Variants in NTSR1 observed in about 807,000 individuals in gnomAD.
The protein encoded by NTSR1 is neurotensin receptor type 1.
In NTSR1, 29 loss-of-function variants were observed where a neutral mutation model predicts 31.2. That is an observed-to-expected ratio of 0.93 (90% CI 0.69 to 1.27). The LOEUF (loss-of-function observed/expected upper bound fraction) is 1.27. Among genes scored for constraint, NTSR1 ranks in the 50% most tolerant of loss-of-function variants. The pLI is 0.00. For missense variants in NTSR1, 697 were observed against 595.4 expected (o/e 1.17, Z -1.78); for synonymous variants, 282 against 269.9 (o/e 1.04, Z -0.44).
At chr20:62,729,857 A>T (rs1988974361) in intron 1 of NTSR1, among the ~76,000 whole-genome samples, 1 of 152,082 alleles carries the variant, frequency 6.6e-6, no homozygotes, top group Non-Finnish European at 1.5e-5. Flanking sequence ...TCCTGACCTC[A>T]AGTGATCTGC....
At chr20:62,722,115 G>A (rs934874394) in intron 1 of NTSR1, among the ~76,000 whole-genome samples, 2 of 152,198 alleles carry the variant, frequency 1.3e-5, no homozygotes, top group East Asian at 3.8e-4. Flanking sequence ...ATTGTGTTGT[G>A]TTCCTTTGGA....
At chr20:62,747,641 C>T (rs1989324008) in intron 1 of NTSR1, among the ~76,000 whole-genome samples, 1 of 152,198 alleles carries the variant, frequency 6.6e-6, no homozygotes. Context: ...AAGGCCTAGC[C>T]AGAGCCATTA....
chr20:62,750,098 C>T (rs1475716777), intron 1 of NTSR1, among the ~76,000 whole-genome samples: 2 of 152,234 alleles, frequency 1.3e-5, no homozygotes, highest in Admixed American at 6.5e-5. Context: ...TGCAGATACA[C>T]AGCAGAGTGC....
At chr20:62,739,434 A>C (rs1989163441) in intron 1 of NTSR1, among the ~76,000 whole-genome samples, 3 of 151,924 alleles carry the variant, frequency 2.0e-5, no homozygotes, top group Non-Finnish European at 1.5e-5. Flanking sequence ...TCTGGGGTTA[A>C]GCCAGAGCCT....
intron 1 of NTSR1, among the ~76,000 whole-genome samples, chr20:62,712,419 A>G (rs1172516133): frequency 6.6e-6 from 1 of 152,218 alleles, no homozygotes; most frequent in Non-Finnish European, 1.5e-5. Flanking sequence ...AGCGTCTCCT[A>G]CGAAATTTTG....
chr20:62,717,972 G>A (rs146558142), intron 1 of NTSR1, among the ~76,000 whole-genome samples: 14 of 152,254 alleles, frequency 9.2e-5, no homozygotes, highest in African/African-American at 3.1e-4. Flanking sequence ...GGAAGGCCTC[G>A]TGCAGACCCT....
chr20:62,709,863 C>T lies in NTSR1; in HGVS notation c.656C>T (p.Ala219Val), dbSNP rs746708468. The T allele has an allele frequency of 6.2e-7, 1 of 1,607,644 alleles. No individual in the cohort carries two copies. The highest frequency in any genetic ancestry group is 8.5e-7 in the Non-Finnish European group (1 of 1,176,058). The change falls in exon 1 of 4, where the codon GCC becomes GTC. Residue 219 changes from alanine (A) to valine (V), a missense_variant. Physicochemically the swap from Ala to Val is moderately conservative, Grantham distance 64 (BLOSUM62 0). Transcript: ENST00000370501. ...AACCGCAGCGCCGACGGCCAGCACG[C>T]CGGCGGCCTGGTGTGCACCCCCACC... ...EQNRSADGQH[A>V]GGLVCTPTIH...
chr20:62,709,068 T>C lies in NTSR1; in HGVS notation c.-140T>C. On this transcript the variant is annotated 5_prime_UTR_variant, in exon 1 of 4. Coordinates refer to ENST00000370501, the MANE Select transcript of NTSR1 (RefSeq NM_002531.3). ...GCGTCTGGGTCTGGCGCTTCCCGAC[T>C]GGACGGCGCGCCCGCTGGTCTTCGC... 1.6e-6 allele frequency: 1 copy of C among 641,914 alleles called. No individual in the cohort carries two copies. The highest frequency in any genetic ancestry group is 2.4e-6 in the Non-Finnish European group (1 of 421,368). 39.8% of individuals were successfully genotyped at this position (641,914 alleles called of 1,614,324 possible).
Position 62,711,709 on chromosome 20 carries a change from G to A in NTSR1, c.714+1788G>A, listed in dbSNP as rs553719702. ...AAGCACAGGGGCGTGAGGACAGCTC[G>A]GCTCCGCCCCCCGGAAAGTGTCCTC... On this transcript the variant is annotated intron_variant, in intron 1 of 3. Coordinates refer to ENST00000370501, the MANE Select transcript of NTSR1 (RefSeq NM_002531.3). This position sits in a 1 kb window ranked among gnomAD's most constrained non-coding sequence, Gnocchi z 6.4. Among the ~76,000 whole-genome samples the A allele has an allele frequency of 7.3e-4, 111 of 152,094 alleles. 2 individuals are homozygous for A. Among genetic ancestry groups the A allele is most frequent in the African/African-American group, 2.7e-4 (11 of 41,412 alleles).
At chr20:62,725,500 C>T (rs560989000) in intron 1 of NTSR1, among the ~76,000 whole-genome samples, 1 of 152,344 alleles carries the variant, frequency 6.6e-6, no homozygotes, top group African/African-American at 2.4e-5. Context: ...CTGCCCACTC[C>T]TCTTGCTCCC....
intron 1 of NTSR1, among the ~76,000 whole-genome samples, chr20:62,726,128 C>A (rs565235033): frequency 6.6e-6 from 1 of 152,152 alleles, no homozygotes; most frequent in Non-Finnish European, 1.5e-5. Context: ...CATTCCAGCC[C>A]GAGGGGTGAG....
intron 1 of NTSR1, among the ~76,000 whole-genome samples, chr20:62,752,224 C>A (rs1192665356): frequency 6.6e-6 from 1 of 152,244 alleles, no homozygotes; most frequent in East Asian, 1.9e-4. Context: ...AGCAGCATCG[C>A]AGGCTTTCCT....
intron 1 of NTSR1, among the ~76,000 whole-genome samples, chr20:62,727,215 GGGCTCCTGCA>G (rs1988923252): frequency 1.3e-5 from 2 of 152,150 alleles, no homozygotes; most frequent in African/African-American, 4.8e-5. Flanking sequence ...ACCCTGAGCC[GGGCTCCTGCA>G]GGCTCCCCGG....
chr20:62,726,076 T>C (rs925711358), intron 1 of NTSR1, among the ~76,000 whole-genome samples: 1 of 152,238 alleles, frequency 6.6e-6, no homozygotes, highest in African/African-American at 2.4e-5. Flanking sequence ...CATGCTCACC[T>C]GCCCTTGGGG....
chr20:62,750,627 A>AT (rs536014155), intron 1 of NTSR1, among the ~76,000 whole-genome samples: 75 of 140,678 alleles, frequency 5.3e-4, no homozygotes, highest in South Asian at 3.3e-3. Flanking sequence ...GGAGGCGGAG[A>AT]TTGCAGTGAG....
intron 2 of NTSR1, among the ~76,000 whole-genome samples, chr20:62,755,983 C>G (rs552136173): frequency 2.0e-5 from 3 of 149,352 alleles, no homozygotes; most frequent in Admixed American, 6.7e-5. Context: ...CTCTGTCCAT[C>G]TGTCCACTTG....
intron 1 of NTSR1, among the ~76,000 whole-genome samples, chr20:62,731,201 C>T (rs1988996978): frequency 6.6e-6 from 1 of 152,198 alleles, no homozygotes; most frequent in African/African-American, 2.4e-5. Context: ...TCTCCTGCCT[C>T]AGCCTCCCGA....
chr20:62,727,111 C>G (rs567784723), intron 1 of NTSR1, among the ~76,000 whole-genome samples: 42 of 152,290 alleles, frequency 2.8e-4, no homozygotes, highest in Admixed American at 7.2e-4. Flanking sequence ...CCCGAGAGAC[C>G]GCCTCATCCG....
chr20:62,724,791 C>A lies in NTSR1; in HGVS notation c.714+14870C>A, dbSNP rs1600722352. On this transcript the variant is annotated intron_variant, in intron 1 of 3. Coordinates refer to ENST00000370501, the MANE Select transcript of NTSR1 (RefSeq NM_002531.3). ...CTCCGCGGAGGCTCTAGGGAAGGAC[C>A]CTTCCTGCCTCCTGCAGCTCCTGGA... Among the ~76,000 whole-genome samples, 4 of 152,290 alleles carry A rather than the reference C, an allele frequency of 2.6e-5. No homozygotes were observed. In the East Asian group the frequency reaches 5.8e-4, roughly 22 times the overall value.
Sources: allele counts gnomAD v4.1 joint callset (sites outside exome capture counted in the v4.1 genomes callset), GRCh38; gene constraint gnomAD v4.1.1; non-coding constraint Gnocchi (gnomAD v3.1); transcripts MANE v1.5; gene names NCBI Gene and HGNC (gene_info 2026-07-23, HGNC 2026-07-21).